RRP12: variants seen among roughly 807,000 people sequenced by gnomAD.
RRP12 encodes ribosomal RNA processing 12 homolog.
In RRP12, 78 loss-of-function variants were observed where a neutral mutation model predicts 157.3. The observed-to-expected ratio is 0.50, with a 90% CI of 0.41 to 0.60. The LOEUF (loss-of-function observed/expected upper bound fraction) is 0.60. Ranked by LOEUF, RRP12 falls within the 20% of genes least tolerant of loss-of-function variation. RRP12 has a pLI of 0.00. For synonymous variants in RRP12, 726 were observed against 670.9 expected, an observed-to-expected ratio of 1.08 and a Z score of -1.27; for missense variants, 1,521 against 1,679.9, an observed-to-expected ratio of 0.91 and a Z score of 1.65.
At chr10:97,382,007 C>T (rs1396847014) in intron 10 of RRP12, among the ~76,000 whole-genome samples, 181 bp from the exon 11 acceptor site, 2 of 152,188 alleles carry the variant, frequency 1.3e-5, no homozygotes, top group Non-Finnish European at 2.9e-5. Context: ...GTAATAACTA[C>T]ATGTGGTAGA....
In RRP12 at chr10:97,366,475, A is replaced by T. The variant is rs753970687; in HGVS notation, c.3362T>A (p.Leu1121Gln). The change falls in exon 28 of 34, where the codon CTG becomes CAG. Residue 1121 changes from leucine (L) to glutamine (Q), a missense_variant. Coordinates refer to ENST00000370992, the MANE Select transcript of RRP12 (RefSeq NM_015179.4). ...GACTCGTTGGGCCACCTTGGGATCC[A>T]GGAAGTTGAGGGGCTCGTCCCCACC... is the stretch of plus-strand genomic sequence containing the variant. ...EGGGDEPLNF[L>Q]DPKVAQRVLA... is the part of the protein sequence containing the mutation. The T allele has an allele frequency of 6.2e-7, 1 of 1,613,224 alleles. No homozygotes were observed. Among genetic ancestry groups the T allele is most frequent in the Non-Finnish European group, 8.5e-7 (1 of 1,179,628 alleles).
chr10:97,389,398 G>GC (rs1844738443), intron 6 of RRP12, among the ~76,000 whole-genome samples: 1 of 152,084 alleles, frequency 6.6e-6, no homozygotes, highest in African/African-American at 2.4e-5. Context: ...CAGCCAAGGG[G>GC]CTGCTACTTT....
intron 8 of RRP12, 106 bp downstream of exon 8, chr10:97,388,146 C>T: frequency 6.8e-7 from 1 of 1,459,926 alleles, no homozygotes; most frequent in Non-Finnish European, 9.4e-7. Flanking sequence ...CTTAAGAACA[C>T]AGTCAGGGAG....
chr10:97,366,379 C>T, intron 28 of RRP12, 67 bp downstream of exon 28: 1 of 1,557,718 alleles, frequency 6.4e-7, no homozygotes, highest in African/African-American at 1.4e-5. Context: ...ACCCCCTACC[C>T]ACCACCTGAG....
Position 97,396,104 on chromosome 10 carries a change from C to T in RRP12, c.453+114G>A, listed in dbSNP as rs2133099856. On this transcript the variant is annotated intron_variant, in intron 3 of 33. Coordinates refer to ENST00000370992, the MANE Select transcript of RRP12 (RefSeq NM_015179.4). Reference sequence around the variant, plus strand: ...CACCTGAGAATAACTGAAGCACTTTCACCTGGTCAAGGTTGTCCTTCTCTA... The same window carrying T: ...CACCTGAGAATAACTGAAGCACTTTTACCTGGTCAAGGTTGTCCTTCTCTA... The T allele has an allele frequency of 4.0e-6, 3 of 751,488 alleles. No individual in the cohort carries two copies. The South Asian group carries it at 4.4e-5, about 11-fold the overall frequency. 46.6% of individuals were successfully genotyped at this position (751,488 alleles called of 1,614,324 possible).
intron 10 of RRP12, among the ~76,000 whole-genome samples, chr10:97,382,878 CA>C (rs1554880277): frequency 6.6e-6 from 1 of 152,046 alleles, no homozygotes; most frequent in Non-Finnish European, 1.5e-5. Context: ...TCTCGTGCCT[CA>C]GCCTCCCAAG....
chr10:97,390,497 C>T lies in RRP12; in HGVS notation c.679G>A (p.Glu227Lys), dbSNP rs1466028900. ...AGGGTCACGGGGTAGCCCCAGGCCT[C>T]CAGGTCTTGCTTCCGCAGAAGGGTG... Reference protein sequence around the residue: ...LATLLRKQDLEAWGYPVTLQV... With the variant: ...LATLLRKQDLKAWGYPVTLQV... The change falls in exon 6 of 34, where the codon GAG becomes AAG. Residue 227 changes from glutamate to lysine, a missense_variant. Glu to Lys is a moderately conservative substitution (Grantham distance 56). Transcript: ENST00000370992. 9.9e-6 allele frequency: 16 copies of T among 1,613,962 alleles called. No homozygotes were observed. In the South Asian group the frequency reaches 1.8e-4, roughly 18 times the overall value.
In RRP12 at chr10:97,356,839, A is replaced by T; in HGVS notation, c.*255T>A. On this transcript the variant is annotated 3_prime_UTR_variant, in exon 34 of 34. Coordinates refer to ENST00000370992, the MANE Select transcript of RRP12 (RefSeq NM_015179.4). ...GTGCTCATGGCCACTCTGGGCAGAA[A>T]GCAAAGGTGCCTCATGGCACCTACT... The T allele has an allele frequency of 4.8e-6, 2 of 418,218 alleles. No homozygotes were observed. Among genetic ancestry groups the T allele is most frequent in the Non-Finnish European group, 8.5e-6 (2 of 236,164 alleles). 25.9% of individuals were successfully genotyped at this position (418,218 alleles called of 1,614,324 possible). A position where few individuals can be genotyped will look rare whatever the true frequency, so the allele number is the denominator to read the frequency against.
At chr10:97,371,210 A>G in intron 20 of RRP12, 129 bp from the exon 21 acceptor site, 1 of 986,216 alleles carries the variant, frequency 1.0e-6, no homozygotes, top group Non-Finnish European at 1.5e-6. Context: ...TTGACAGAGG[A>G]CCAGTGGAAT....
chr10:97,391,518 C>T (rs1042441551), intron 4 of RRP12, among the ~76,000 whole-genome samples: 6 of 152,116 alleles, frequency 3.9e-5, no homozygotes, highest in African/African-American at 1.2e-4. Flanking sequence ...GTGTGGTGAG[C>T]TGAGATTGCA....
In RRP12 at chr10:97,381,510, G is replaced by C. The variant is rs971529389; in HGVS notation, c.1321-27C>G. On this transcript the variant is annotated intron_variant, in intron 11 of 33. Coordinates refer to ENST00000370992, the MANE Select transcript of RRP12 (RefSeq NM_015179.4). The stretch of plus-strand genomic sequence containing the variant: ...TGCGAAGAGAGGCCACAGGCTTTCT[G>C]GGCCCAAGGCAGCCCCCCAGGACCA... 2.5e-6 allele frequency: 4 copies of C among 1,569,280 alleles called. No homozygotes were observed. In the African/African-American group the frequency reaches 5.4e-5, roughly 21 times the overall value.
chr10:97,379,251 G>A, intron 15 of RRP12, 42 bp downstream of exon 15: 2 of 1,609,368 alleles, frequency 1.2e-6, no homozygotes, highest in Non-Finnish European at 1.7e-6. Context: ...TTCCAGGACT[G>A]TGGGGAGCCT....
At chr10:97,389,382 C>T (rs1196652946) in intron 6 of RRP12, among the ~76,000 whole-genome samples, 6 of 151,904 alleles carry the variant, frequency 3.9e-5, no homozygotes, top group Non-Finnish European at 2.9e-5. Flanking sequence ...CGTGAGCCAC[C>T]GCGCCCAGCC....
intron 4 of RRP12, 91 bp downstream of exon 4, chr10:97,393,593 A>G: frequency 9.7e-7 from 1 of 1,031,512 alleles, no homozygotes; most frequent in Non-Finnish European, 1.5e-6. Flanking sequence ...TATCTTTTTA[A>G]ATAACAATTC....
Position 97,400,420 on chromosome 10 carries a change from A to G in RRP12, c.254T>C (p.Leu85Pro). ...PETPMEEEAELVLTEKSSGTF... is the reference protein window; with the variant it reads ...PETPMEEEAEPVLTEKSSGTF... ...ACCCGAGGACTTCTCGGTGAGAACC[A>G]GCTCCGCCTCTTCTTCCATGGGCGT... The change falls in exon 2 of 34, where the codon CTG becomes CCG. Residue 85 changes from leucine (L) to proline (P), a missense_variant. By Grantham distance (98) the Leu-to-Pro change is moderately conservative (BLOSUM62 -3). Coordinates refer to ENST00000370992, the MANE Select transcript of RRP12 (RefSeq NM_015179.4). 1 of 1,614,108 alleles carries G rather than the reference A, an allele frequency of 6.2e-7. No homozygotes were observed. The highest frequency in any genetic ancestry group is 8.5e-7 in the Non-Finnish European group (1 of 1,180,006).
In RRP12 at chr10:97,373,814, C is replaced by T. The variant is rs769260743; in HGVS notation, c.1863+16G>A. On this transcript the variant is annotated intron_variant, in intron 16 of 33. Coordinates refer to ENST00000370992, the MANE Select transcript of RRP12 (RefSeq NM_015179.4). ...CTGTGTGCTTCTCCCCACGCCCTCC[C>T]CCAGCTGACCCTTACCTGCCACTGG... 2 of 1,613,854 alleles carry T rather than the reference C, an allele frequency of 1.2e-6. No individual in the cohort carries two copies. The highest frequency in any genetic ancestry group is 1.1e-5 in the South Asian group (1 of 91,090).
In RRP12 at chr10:97,369,595, G is replaced by C. The variant is rs1348695838; in HGVS notation, c.2798-13C>G. 6.4e-7 allele frequency: 1 copy of C among 1,553,072 alleles called. No homozygotes were observed. The highest frequency in any genetic ancestry group is 2.0e-5 in the Admixed American group (1 of 51,122). On this transcript the variant is annotated splice_polypyrimidine_tract_variant and intron_variant, in intron 24 of 33. Transcript: ENST00000370992. ...GTCCCCATCAGACCTGTGGCAGTGA[G>C]GGGGTCACTGTCTAAGACACCCAGG... is the stretch of plus-strand genomic sequence containing the variant.
chr10:97,399,220 C>A (rs1300813216), intron 2 of RRP12, among the ~76,000 whole-genome samples: 2 of 152,108 alleles, frequency 1.3e-5, no homozygotes, highest in Admixed American at 1.3e-4. Flanking sequence ...TTGCAGTGAG[C>A]CGAGATCGTG....
At chr10:97,390,644 G>A in intron 5 of RRP12, 95 bp downstream of exon 5, 1 of 1,334,406 alleles carries the variant, frequency 7.5e-7, no homozygotes, top group South Asian at 1.2e-5. Context: ...GAGGTCCCCA[G>A]GGTGCCTAAA....
Sources: gnomAD v4.1 joint callset for allele counts (sites outside exome capture counted in the v4.1 genomes callset) on GRCh38, gnomAD v4.1.1 for gene constraint, MANE v1.5 for transcripts, NCBI Gene and HGNC (gene_info 2026-07-23, HGNC 2026-07-21) for gene names.